LRRC20: variants seen among roughly 807,000 people sequenced by gnomAD.
LRRC20 encodes the protein leucine rich repeat containing 20, also known as leucine-rich repeat-containing protein 20.
A neutral mutation model predicts 14.4 loss-of-function variants in LRRC20; 11 were observed. The observed-to-expected ratio is 0.77, with a 90% CI of 0.48 to 1.27. The LOEUF is 1.27. Ranked by LOEUF, LRRC20 falls within the 50% of genes most tolerant of loss-of-function variation. LRRC20 has a pLI of 0.00. For synonymous variants in LRRC20, 121 were observed against 107.3 expected, an observed-to-expected ratio of 1.13 and a Z score of -0.79; for missense variants, 219 against 251.2, an observed-to-expected ratio of 0.87 and a Z score of 0.87.
chr10:70,300,458 CTGCCCCCAGGAGGCCAT>C lies in LRRC20; in HGVS notation c.*879_*895del, dbSNP rs1322391472. The C allele has an allele frequency of 3.6e-5, 35 of 985,608 alleles. No homozygotes were observed. The highest frequency in any genetic ancestry group is 4.0e-5 in the Non-Finnish European group (33 of 830,070). The allele number at this position is 985,608 out of a possible 1,614,324, so 61.1% of individuals were successfully genotyped here. ...CAAATCCCGTGGTCCACATCGCCTT[CTGCCCCCAGGAGGCCAT>C]GACAAGGCAGCCAGGCTGCTGCTGG... On this transcript the variant is annotated 3_prime_UTR_variant, in exon 5 of 5. Coordinates refer to ENST00000446961, the MANE Select transcript of LRRC20 (RefSeq NM_001278212.2).
chr10:70,301,632 G>A lies in LRRC20; in HGVS notation c.401-124C>T, dbSNP rs183978658. ...GGCAGCTCTCCATTGCCCACTGCAC[G>A]TGGGCTCAGCTCCTGGTGCCCAGCC... On this transcript the variant is annotated intron_variant, in intron 4 of 4. Coordinates refer to ENST00000446961, the MANE Select transcript of LRRC20 (RefSeq NM_001278212.2). The A allele has an allele frequency of 2.5e-4, 304 of 1,194,746 alleles. No individual in the cohort carries two copies. The African/African-American group carries it at 3.9e-3, about 15-fold the overall frequency. The allele number at this position is 1,194,746 out of a possible 1,614,324, so 74.0% of individuals were successfully genotyped here.
intron 1 of LRRC20, among the ~76,000 whole-genome samples, chr10:70,381,255 C>A (rs756516389): frequency 6.6e-6 from 1 of 152,206 alleles, no homozygotes; most frequent in Non-Finnish European, 1.5e-5. Context: ...CTTTGCGAAC[C>A]ATTACATGTT....
intron 4 of LRRC20, among the ~76,000 whole-genome samples, chr10:70,316,133 T>A (rs1006080049): frequency 6.6e-6 from 1 of 152,150 alleles, no homozygotes; most frequent in South Asian, 2.1e-4. Context: ...AATTTAATTT[T>A]ATTTATTTTT....
chr10:70,319,252 C>T (rs1339088900), intron 4 of LRRC20, among the ~76,000 whole-genome samples: 1 of 151,682 alleles, frequency 6.6e-6, no homozygotes, highest in East Asian at 1.9e-4. Context: ...AAATAATAGT[C>T]TCCTACGGGG....
intron 3 of LRRC20, among the ~76,000 whole-genome samples, chr10:70,334,529 A>G (rs1842651374): frequency 6.6e-6 from 1 of 151,906 alleles, no homozygotes; most frequent in African/African-American, 2.4e-5. Context: ...ACTGACATAC[A>G]CTGTTCACTG....
intron 2 of LRRC20, among the ~76,000 whole-genome samples, chr10:70,372,495 C>G (rs1476423425): frequency 7.7e-5 from 11 of 142,240 alleles, no homozygotes; most frequent in Middle Eastern, 3.7e-3. Flanking sequence ...AGGCTGGAGT[C>G]CAGTGGCGCA....
intron 1 of LRRC20, among the ~76,000 whole-genome samples, chr10:70,379,833 T>A (rs1324338483): frequency 6.6e-6 from 1 of 152,060 alleles, no homozygotes; most frequent in Non-Finnish European, 1.5e-5. Context: ...TGGAAGACAA[T>A]TTTTCCCACT....
chr10:70,310,910 GAT>G (rs1255247625), intron 4 of LRRC20, among the ~76,000 whole-genome samples: 1 of 152,206 alleles, frequency 6.6e-6, no homozygotes, highest in African/African-American at 2.4e-5. Flanking sequence ...AAAATGCAAA[GAT>G]ATTGATGAAC....
At chr10:70,332,311 C>G (rs969206011) in intron 3 of LRRC20, among the ~76,000 whole-genome samples, 2 of 152,222 alleles carry the variant, frequency 1.3e-5, no homozygotes, top group African/African-American at 2.4e-5. Context: ...AGGTCTGGAA[C>G]AGACTAAAAT....
chr10:70,372,126 G>T (rs928434644), intron 2 of LRRC20, among the ~76,000 whole-genome samples: 2 of 152,150 alleles, frequency 1.3e-5, no homozygotes, highest in South Asian at 4.1e-4. Flanking sequence ...CTCCTCCCAG[G>T]GGCCTCGGCT....
At chr10:70,371,844 T>G in intron 2 of LRRC20, among the ~76,000 whole-genome samples, 1 of 147,482 alleles carries the variant, frequency 6.8e-6, no homozygotes. Flanking sequence ...AAGCCTGGAG[T>G]GGAGTGAGAA....
intron 3 of LRRC20, among the ~76,000 whole-genome samples, chr10:70,336,752 G>A (rs1054712235): frequency 3.2e-4 from 48 of 152,150 alleles, no homozygotes; most frequent in Non-Finnish European, 5.9e-4. Flanking sequence ...AGCAAGCTCC[G>A]AATACATAGC....
chr10:70,373,941 G>A (rs1281225987), intron 2 of LRRC20, among the ~76,000 whole-genome samples: 1 of 152,208 alleles, frequency 6.6e-6, no homozygotes, highest in Non-Finnish European at 1.5e-5. Flanking sequence ...TAGCCGCCCT[G>A]CACACTTCAC....
chr10:70,319,219 A>G (rs1031267435), intron 4 of LRRC20, among the ~76,000 whole-genome samples: 1 of 152,110 alleles, frequency 6.6e-6, no homozygotes, highest in Admixed American at 6.5e-5. Context: ...AAGGTTACAG[A>G]AAGTTAAATT....
chr10:70,372,968 G>T (rs563046496), intron 2 of LRRC20, among the ~76,000 whole-genome samples: 1 of 150,712 alleles, frequency 6.6e-6, no homozygotes, highest in East Asian at 2.0e-4. Flanking sequence ...AGAAAAATAA[G>T]CCAGGCATGG....
At chr10:70,362,837 AATGT>A (rs1186319932) in intron 2 of LRRC20, among the ~76,000 whole-genome samples, 1 of 152,146 alleles carries the variant, frequency 6.6e-6, no homozygotes, top group Admixed American at 6.5e-5. Context: ...TTATCAACTG[AATGT>A]ATGTGTCACC....
chr10:70,327,895 C>T (rs1211738151), intron 3 of LRRC20, among the ~76,000 whole-genome samples: 2 of 152,204 alleles, frequency 1.3e-5, no homozygotes, highest in African/African-American at 2.4e-5. Context: ...TTTGTCCCCT[C>T]CCTAAGAGAA....
At chr10:70,303,489 TCAAAA>T (rs1035142726) in intron 4 of LRRC20, among the ~76,000 whole-genome samples, 13 of 152,174 alleles carry the variant, frequency 8.5e-5, no homozygotes, top group African/African-American at 3.1e-4. Context: ...TCCTCTGGAA[TCAAAA>T]CAAACATATC....
chr10:70,303,217 C>T (rs1386277383), intron 4 of LRRC20, among the ~76,000 whole-genome samples: 1 of 152,174 alleles, frequency 6.6e-6, no homozygotes, highest in Non-Finnish European at 1.5e-5. Context: ...GAGGAAGTCG[C>T]ATACAGTGGC....
Sources: allele counts gnomAD v4.1 joint callset (sites outside exome capture counted in the v4.1 genomes callset), GRCh38; gene constraint gnomAD v4.1.1; transcripts MANE v1.5; gene names NCBI Gene and HGNC (gene_info 2026-07-23, HGNC 2026-07-21).